STXBP4: variants seen among roughly 807,000 people sequenced by gnomAD.
STXBP4 encodes the protein syntaxin binding protein 4.
STXBP4 carries 55 observed loss-of-function variants against 76.1 expected under a neutral mutation model. The observed-to-expected ratio is 0.72, with a 90% CI of 0.58 to 0.91. STXBP4 has a LOEUF of 0.91. Among genes scored for constraint, STXBP4 ranks in the 40% least tolerant of loss-of-function variants. The probability of loss-of-function intolerance (pLI) is 0.00; values close to 1 mark genes in which losing one functional copy is unlikely to be tolerated. For synonymous variants in STXBP4, 201 were observed against 220.2 expected (o/e 0.91, Z 0.77); for missense variants, 618 against 636.9 (o/e 0.97, Z 0.32).
At chr17:55,206,830 C>G in the STXBP4 span, among the ~76,000 whole-genome samples, 1 of 139,680 alleles carries the variant, frequency 7.2e-6, no homozygotes, top group Non-Finnish European at 1.5e-5. Flanking sequence ...GCACTCCAGC[C>G]TAGGCAACAG....
At chr17:55,085,753 C>T (rs1240932184) in intron 16 of STXBP4, among the ~76,000 whole-genome samples, 1 of 152,058 alleles carries the variant, frequency 6.6e-6, no homozygotes, top group Non-Finnish European at 1.5e-5. Context: ...GTTCTGATTT[C>T]ACAACTGTGT....
chr17:54,969,774 G>A lies in STXBP4; in HGVS notation c.-157+959G>A, dbSNP rs372745016. On this transcript the variant is annotated intron_variant, in intron 1 of 17. Coordinates refer to ENST00000376352, the MANE Select transcript of STXBP4 (RefSeq NM_178509.6). ...TTATTTATTTATTGCCCTCTCAACT[G>A]TGGGCCTGACACCAATCGACCTGCT... Among the ~76,000 whole-genome samples, 225 of 152,258 alleles carry A rather than the reference G, an allele frequency of 1.5e-3. 7 individuals carry two copies. In the South Asian group the frequency reaches 0.045, roughly 30 times the overall value.
chr17:55,052,916 C>CGGGT (rs1555573404), intron 12 of STXBP4, among the ~76,000 whole-genome samples: 3 of 95,700 alleles, frequency 3.1e-5, no homozygotes, highest in African/African-American at 1.2e-4. Context: ...ACGTGTATGA[C>CGGGT]GTGTGTGTGT....
chr17:55,120,067 G>C (rs947122586), intron 16 of STXBP4, among the ~76,000 whole-genome samples: 2 of 152,062 alleles, frequency 1.3e-5, no homozygotes, highest in Non-Finnish European at 2.9e-5. Flanking sequence ...TACTTCTCAA[G>C]TAGAAAATAT....
At chr17:55,086,478 A>T (rs2079331992) in intron 16 of STXBP4, among the ~76,000 whole-genome samples, 1 of 152,186 alleles carries the variant, frequency 6.6e-6, no homozygotes, top group Middle Eastern at 3.2e-3. Flanking sequence ...ACTAGTATAG[A>T]ACACTAGAAC....
At chr17:55,138,072 G>A (rs576376964) in intron 16 of STXBP4, among the ~76,000 whole-genome samples, 10 of 152,090 alleles carry the variant, frequency 6.6e-5, no homozygotes, top group African/African-American at 2.4e-4. Context: ...TTATCGATTT[G>A]TAGGAATTCT....
chr17:55,087,949 G>A (rs1026634484), intron 16 of STXBP4, among the ~76,000 whole-genome samples: 1 of 152,084 alleles, frequency 6.6e-6, no homozygotes, highest in Admixed American at 6.6e-5. Context: ...TTTCCCATGA[G>A]CATTTTATAG....
chr17:54,988,936 A>T (rs2077668662), intron 3 of STXBP4, among the ~76,000 whole-genome samples: 1 of 152,116 alleles, frequency 6.6e-6, no homozygotes, highest in African/African-American at 2.4e-5. Flanking sequence ...ATGATGTTAT[A>T]TATGGAGAGC....
chr17:54,984,195 A>C (rs1197165048), intron 1 of STXBP4, among the ~76,000 whole-genome samples: 3 of 152,140 alleles, frequency 2.0e-5, no homozygotes, highest in Non-Finnish European at 4.4e-5. Flanking sequence ...TTACGGAAGA[A>C]TCTATGATTT....
At chr17:55,112,090 CTT>C (rs5821086) in intron 16 of STXBP4, among the ~76,000 whole-genome samples, 3 of 151,100 alleles carry the variant, frequency 2.0e-5, no homozygotes, top group Non-Finnish European at 4.4e-5. Flanking sequence ...TAATTTTACT[CTT>C]TTTTTTTTAA....
intron 16 of STXBP4, among the ~76,000 whole-genome samples, chr17:55,117,572 A>G (rs117347781): frequency 2.7e-3 from 407 of 149,010 alleles, no homozygotes; most frequent in Non-Finnish European, 5.0e-3. Flanking sequence ...AAGAAACATA[A>G]GTCTACCCAA....
chr17:54,998,551 C>T (rs961175533), intron 4 of STXBP4, among the ~76,000 whole-genome samples: 6 of 152,196 alleles, frequency 3.9e-5, no homozygotes, highest in African/African-American at 1.4e-4. Context: ...TTAGCAAAGG[C>T]AACACCAGGC....
intron 7 of STXBP4, among the ~76,000 whole-genome samples, chr17:55,004,820 G>A (rs1484140456): frequency 1.3e-5 from 2 of 151,968 alleles, no homozygotes; most frequent in African/African-American, 2.4e-5. Flanking sequence ...GGACAAGAAG[G>A]AGAGAGAGCC....
intron 16 of STXBP4, among the ~76,000 whole-genome samples, chr17:55,105,277 T>C (rs1047635666): frequency 1.2e-4 from 18 of 152,310 alleles, no homozygotes; most frequent in Admixed American, 2.6e-4. Context: ...TAAATTTTCC[T>C]CTAAACACTG....
In STXBP4 at chr17:55,133,885, A is replaced by G. The variant is rs141223676; in HGVS notation, c.1490-7425A>G. ...GAATAAATGAAAAGATGGGAATTGAATGTAGACAAATCCATTTTTGTAAGG... is the reference window on the plus strand; with the variant it reads ...GAATAAATGAAAAGATGGGAATTGAGTGTAGACAAATCCATTTTTGTAAGG... On this transcript the variant is annotated intron_variant, in intron 16 of 17. Transcript: ENST00000376352. 1.8e-4 allele frequency among the ~76,000 whole-genome samples: 28 copies of G among 152,332 alleles called. 1 individual carries two copies. The East Asian group carries it at 5.4e-3, about 29-fold the overall frequency.
In STXBP4 at chr17:55,080,968, T is replaced by C. The variant is rs546098616; in HGVS notation, c.1356-82T>C. On this transcript the variant is annotated intron_variant, in intron 15 of 17. Coordinates refer to ENST00000376352, the MANE Select transcript of STXBP4 (RefSeq NM_178509.6). ...ATATAAATATTTTTGTACAAATCTA[T>C]AACTGATACAACTTCAGATTTAGTA... The C allele has an allele frequency of 6.0e-5, 75 of 1,249,470 alleles. No homozygotes were observed. The East Asian group carries it at 2.0e-3, about 34-fold the overall frequency. The allele number at this position is 1,249,470 out of a possible 1,614,324, so 77.4% of individuals were successfully genotyped here. A position where few individuals can be genotyped will look rare whatever the true frequency, so the allele number is the denominator to read the frequency against.
At position 55,125,500 on chromosome 17, in the gene STXBP4, A is replaced by AAAT. The variant is rs1459281293; in HGVS notation, c.1490-15810_1490-15809insAAT. Among the ~76,000 whole-genome samples, 1,104 of 149,140 alleles carry AAAT rather than the reference A, an allele frequency of 7.4e-3. 16 individuals are homozygous for AAAT. Among genetic ancestry groups the AAAT allele is most frequent in the African/African-American group, 0.026 (1,022 of 39,830 alleles). ...AATACAAAAAAAAAAAAAAAAAAAA[A>AAAT]TACAATTGAAGCTTCTGGAAAGTGA... On this transcript the variant is annotated intron_variant, in intron 16 of 17. Transcript: ENST00000376352.
chr17:55,065,003 CA>C (rs2079033735), intron 12 of STXBP4, among the ~76,000 whole-genome samples: 1 of 151,914 alleles, frequency 6.6e-6, no homozygotes, highest in African/African-American at 2.4e-5. Context: ...ACTGTTTTTC[CA>C]AATAGTTGTC....
chr17:55,054,476 A>G (rs535041971), intron 12 of STXBP4, among the ~76,000 whole-genome samples: 1 of 152,268 alleles, frequency 6.6e-6, no homozygotes, highest in African/African-American at 2.4e-5. Context: ...ATAGAGTGAT[A>G]TTTCATCTCA....
Sources: gnomAD v4.1 joint callset for allele counts (sites outside exome capture counted in the v4.1 genomes callset) on GRCh38, gnomAD v4.1.1 for gene constraint, MANE v1.5 for transcripts, NCBI Gene and HGNC (gene_info 2026-07-23, HGNC 2026-07-21) for gene names.